The following DYNC2H1 variants were observed in gnomAD, a reference collection of about 807,000 sequenced individuals.
DYNC2H1 encodes cytoplasmic dynein 2 heavy chain 1.
In DYNC2H1, 410 loss-of-function variants were observed where a neutral mutation model predicts 570.0. The ratio of observed to expected loss-of-function variants is 0.72; its 90% CI spans 0.66 to 0.78. The LOEUF (loss-of-function observed/expected upper bound fraction) is 0.78. Ranked by LOEUF, DYNC2H1 falls within the 30% of genes least tolerant of loss-of-function variation. DYNC2H1 has a pLI of 0.00. For missense variants in DYNC2H1, 4,865 were observed against 5,046.4 expected, an observed-to-expected ratio of 0.96 and a Z score of 1.09; for synonymous variants, 1,688 against 1,677.6, an observed-to-expected ratio of 1.01 and a Z score of -0.15.
At chr11:103,219,819 T>C (rs1863519779) in intron 55 of DYNC2H1, 96 bp from the exon 56 acceptor site, 1 of 765,208 alleles carries the variant, frequency 1.3e-6, no homozygotes, top group Non-Finnish European at 2.1e-6. Flanking sequence ...AAACATTTAA[T>C]AGAAAATGTT....
chr11:103,352,766 A>G (rs535210318), intron 82 of DYNC2H1, among the ~76,000 whole-genome samples: 24 of 152,328 alleles, frequency 1.6e-4, no homozygotes, highest in Admixed American at 9.8e-4. Flanking sequence ...TAGAACCAGA[A>G]ATACCATTCG....
chr11:103,409,496 G>T (rs975693442), intron 84 of DYNC2H1: 1 of 152,142 alleles, frequency 6.6e-6, no homozygotes, highest in African/African-American at 2.4e-5. Context: ...CTCTCTGGAG[G>T]AAGGTTATTT....
chr11:103,195,733 T>G (rs1335229477), intron 47 of DYNC2H1, among the ~76,000 whole-genome samples: 1 of 152,242 alleles, frequency 6.6e-6, no homozygotes, highest in African/African-American at 2.4e-5. Flanking sequence ...TTGGGGAGAA[T>G]TGACATCTTT....
At chr11:103,216,062 A>G (rs966368890) in intron 55 of DYNC2H1, among the ~76,000 whole-genome samples, 1 of 152,192 alleles carries the variant, frequency 6.6e-6, no homozygotes, top group Non-Finnish European at 1.5e-5. Context: ...CGGTGCACTC[A>G]GTTGACCATG....
intron 85 of DYNC2H1, among the ~76,000 whole-genome samples, chr11:103,453,110 T>A (rs905669192): frequency 7.0e-6 from 1 of 142,864 alleles, no homozygotes; most frequent in Non-Finnish European, 1.6e-5. Context: ...TATATGCCAT[T>A]TGAAGAATTA....
At chr11:103,149,740 T>G (rs1325939579) in intron 20 of DYNC2H1, among the ~76,000 whole-genome samples, 1 of 152,028 alleles carries the variant, frequency 6.6e-6, no homozygotes, top group Admixed American at 6.6e-5. Flanking sequence ...GTGAACATAT[T>G]CTATTCTCAT....
chr11:103,112,337 A>C (rs1591253458), intron 1 of DYNC2H1, among the ~76,000 whole-genome samples: 1 of 152,340 alleles, frequency 6.6e-6, no homozygotes, highest in South Asian at 2.1e-4. Flanking sequence ...TATACCATTT[A>C]AATTGAAATA....
Position 103,275,553 on chromosome 11 carries a change from G to A in DYNC2H1, c.10696-4795G>A, listed in dbSNP as rs1865874514. Among the ~76,000 whole-genome samples, 1 of 152,006 alleles carries A rather than the reference G, an allele frequency of 6.6e-6. No individual in the cohort carries two copies. Among genetic ancestry groups the A allele is most frequent in the Non-Finnish European group, 1.5e-5 (1 of 68,000 alleles). On this transcript the variant is annotated intron_variant, in intron 70 of 88. Transcript: ENST00000375735. The surrounding 1 kb of genome is among the most constrained non-coding windows in gnomAD (Gnocchi z 4.8). ...TGATCCTTTTACTGCCTATAGTTTT[G>A]CCTGTTCCAAATTATATTCTAATTA... is the stretch of plus-strand genomic sequence containing the variant.
intron 36 of DYNC2H1, among the ~76,000 whole-genome samples, chr11:103,174,672 A>G (rs1039182604): frequency 3.9e-5 from 6 of 152,196 alleles, no homozygotes; most frequent in Non-Finnish European, 8.8e-5. Context: ...TATTATGATT[A>G]GACTAGGTTA....
chr11:103,139,138 A>G (rs1169102137), intron 17 of DYNC2H1, among the ~76,000 whole-genome samples: 3 of 151,776 alleles, frequency 2.0e-5, no homozygotes, highest in Admixed American at 6.6e-5. Context: ...CGGTCTATCA[A>G]TTTTGTTGAT....
intron 60 of DYNC2H1, among the ~76,000 whole-genome samples, chr11:103,233,721 A>G (rs1252990694): frequency 6.6e-6 from 1 of 151,886 alleles, no homozygotes; most frequent in East Asian, 1.9e-4. Context: ...AGAAAGACAG[A>G]TGGGATGTTT....
At chr11:103,460,316 ATTTTTTAAT>A (rs11279773) in intron 87 of DYNC2H1, among the ~76,000 whole-genome samples, 49,725 of 151,462 alleles carry the variant, frequency 0.33, 9,137 homozygotes, top group East Asian at 0.52. Flanking sequence ...TTATAGCATC[ATTTTTTAAT>A]TTAGGAGTAT....
rs966704942 is a variant in DYNC2H1 at position 103,433,823 on chromosome 11, C to G, written c.12367-2120C>G. 6.6e-5 allele frequency among the ~76,000 whole-genome samples: 10 copies of G among 152,190 alleles called. 1 individual carries two copies. The highest frequency in any genetic ancestry group is 2.4e-5 in the African/African-American group (1 of 41,532). On this transcript the variant is annotated intron_variant, in intron 84 of 88. Transcript: ENST00000375735. ...ATAACCGCATAAATATTGTTCCCATCTAAAGACCAGTGAACTACAGTGACA... is the reference window on the plus strand; with the variant it reads ...ATAACCGCATAAATATTGTTCCCATGTAAAGACCAGTGAACTACAGTGACA...
chr11:103,282,148 A>G (rs1000246830), intron 71 of DYNC2H1, 31 bp from the exon 72 acceptor site: 3 of 1,592,718 alleles, frequency 1.9e-6, no homozygotes, highest in African/African-American at 1.4e-5. Flanking sequence ...TCATTTTTAT[A>G]TTTTTGTGTT....
chr11:103,406,694 A>G (rs537978741), intron 84 of DYNC2H1: 51 of 152,140 alleles, frequency 3.4e-4, no homozygotes, highest in African/African-American at 1.1e-3. Context: ...TTCAACCTAT[A>G]TGATTAATTG....
chr11:103,410,923 GTTGAGCAAAGTATT>G (rs1943059270), intron 84 of DYNC2H1, among the ~76,000 whole-genome samples: 1 of 152,050 alleles, frequency 6.6e-6, no homozygotes, highest in Non-Finnish European at 1.5e-5. Flanking sequence ...TGGGGGTGTG[GTTGAGCAAAGTATT>G]TTGAGCTGCA....
In DYNC2H1 at chr11:103,252,985, A is replaced by G. The variant is rs1287536329; in HGVS notation, c.10043-300A>G. ...CTATTTTTGTCATCTATAATCAGCC[A>G]TTTCAGAGCAATCTGGAATATGAAA... On this transcript the variant is annotated intron_variant, in intron 65 of 88. Transcript: ENST00000375735. The surrounding 1 kb of genome is among the most constrained non-coding windows in gnomAD (Gnocchi z 4.6). Among the ~76,000 whole-genome samples, 1 of 152,210 alleles carries G rather than the reference A, an allele frequency of 6.6e-6. No homozygotes were observed. Among genetic ancestry groups the G allele is most frequent in the African/African-American group, 2.4e-5 (1 of 41,470 alleles).
intron 82 of DYNC2H1, among the ~76,000 whole-genome samples, chr11:103,352,382 A>T (rs1193798203): frequency 6.6e-6 from 1 of 152,084 alleles, no homozygotes; most frequent in Non-Finnish European, 1.5e-5. Flanking sequence ...ATTCCTCCAG[A>T]ATCTCATTAA....
intron 83 of DYNC2H1, among the ~76,000 whole-genome samples, chr11:103,398,555 A>G (rs1293078692): frequency 6.6e-6 from 1 of 152,204 alleles, no homozygotes; most frequent in African/African-American, 2.4e-5. Context: ...AGACTCGTCA[A>G]TGTGGCAACT....
Sources: gnomAD v4.1 joint callset for allele counts (sites outside exome capture counted in the v4.1 genomes callset) on GRCh38, gnomAD v4.1.1 for gene constraint, Gnocchi (gnomAD v3.1) non-coding constraint, MANE v1.5 for transcripts, NCBI Gene and HGNC (gene_info 2026-07-23, HGNC 2026-07-21) for gene names.